The following AKAP19 variants were observed in gnomAD, a reference collection of about 807,000 sequenced individuals.
The protein encoded by AKAP19 is A-kinase anchoring protein 19.
At chr2:190,155,240 A>G in the AKAP19 span, among the ~76,000 whole-genome samples, 1 of 152,212 alleles carries the variant, frequency 6.6e-6, no homozygotes, top group Non-Finnish European at 1.5e-5. Flanking sequence ...CTAAGCTGAT[A>G]GAACCACAGC....
the AKAP19 span, among the ~76,000 whole-genome samples, chr2:190,012,473 A>G: frequency 1.3e-5 from 2 of 152,158 alleles, no homozygotes; most frequent in Non-Finnish European, 2.9e-5. Context: ...TTGATTTTAT[A>G]TCCTACAACT....
At chr2:189,933,408 C>T in the AKAP19 span, among the ~76,000 whole-genome samples, 1 of 152,086 alleles carries the variant, frequency 6.6e-6, no homozygotes, top group Non-Finnish European at 1.5e-5. Context: ...AGGAAGGGCC[C>T]ACCTTCCCAT....
the AKAP19 span, among the ~76,000 whole-genome samples, chr2:190,039,069 C>CTTCTTCCTT: frequency 7.4e-6 from 1 of 134,872 alleles, no homozygotes; most frequent in Non-Finnish European, 1.6e-5. Flanking sequence ...TCTTCTTCCT[C>CTTCTTCCTT]TTCTTTTTTT....
the AKAP19 span, among the ~76,000 whole-genome samples, chr2:190,019,075 G>A: frequency 6.6e-6 from 1 of 152,212 alleles, no homozygotes; most frequent in African/African-American, 2.4e-5. Context: ...CCTAAGGCTA[G>A]GTGGAGTCAC....
the AKAP19 span, among the ~76,000 whole-genome samples, chr2:189,918,641 C>A: frequency 1.1e-4 from 16 of 152,236 alleles, no homozygotes; most frequent in Middle Eastern, 3.4e-3. Context: ...TATAACCCAA[C>A]AATTCACCTC....
At chr2:189,924,395 T>G in the AKAP19 span, among the ~76,000 whole-genome samples, 18 of 152,328 alleles carry the variant, frequency 1.2e-4, no homozygotes, top group Admixed American at 6.5e-4. Context: ...CTAGTCCCAT[T>G]TTCACTTCCT....
chr2:190,075,635 G>A, the AKAP19 span, among the ~76,000 whole-genome samples: 1 of 152,046 alleles, frequency 6.6e-6, no homozygotes, highest in African/African-American at 2.4e-5. Flanking sequence ...AGCTTTGTCT[G>A]ACATTAATAT....
the AKAP19 span, among the ~76,000 whole-genome samples, chr2:190,001,932 C>G: frequency 2.6e-5 from 4 of 152,230 alleles, no homozygotes; most frequent in African/African-American, 9.6e-5. Flanking sequence ...TGGCCCCCTT[C>G]CTCTGGCCAG....
the AKAP19 span, among the ~76,000 whole-genome samples, chr2:190,114,826 T>A: frequency 6.6e-6 from 1 of 152,138 alleles, no homozygotes; most frequent in East Asian, 1.9e-4. Flanking sequence ...TTCTAACCAG[T>A]GTTGCTATTC....
the AKAP19 span, among the ~76,000 whole-genome samples, chr2:190,021,330 C>T: frequency 6.6e-6 from 1 of 151,950 alleles, no homozygotes; most frequent in East Asian, 1.9e-4. Flanking sequence ...ATAATGATTC[C>T]TGTATTATTT....
chr2:190,061,844 A>T, the AKAP19 span, among the ~76,000 whole-genome samples: 5 of 151,958 alleles, frequency 3.3e-5, no homozygotes, highest in African/African-American at 4.8e-5. Context: ...TATTAGTGAA[A>T]AAAACTTATT....
chr2:190,096,339 A>G, the AKAP19 span, among the ~76,000 whole-genome samples: 2 of 152,212 alleles, frequency 1.3e-5, no homozygotes, highest in African/African-American at 4.8e-5. Context: ...AATGATTATT[A>G]TGTGTATAGC....
At chr2:189,948,727 A>G in the AKAP19 span, among the ~76,000 whole-genome samples, 1 of 152,188 alleles carries the variant, frequency 6.6e-6, no homozygotes. Context: ...ACATGTCAAC[A>G]TATATATAGC....
At chr2:189,955,557 G>T in the AKAP19 span, among the ~76,000 whole-genome samples, 4 of 152,232 alleles carry the variant, frequency 2.6e-5, no homozygotes, top group South Asian at 4.2e-4. Flanking sequence ...TTCCATAGAG[G>T]TTGTACTAAT....
chr2:190,107,607 G>A, the AKAP19 span, among the ~76,000 whole-genome samples: 1 of 152,180 alleles, frequency 6.6e-6, no homozygotes, highest in African/African-American at 2.4e-5. Context: ...TCCTTCAGCA[G>A]CATGAGTACT....
At chr2:190,073,349 A>C in the AKAP19 span, among the ~76,000 whole-genome samples, 1 of 152,322 alleles carries the variant, frequency 6.6e-6, no homozygotes, top group South Asian at 2.1e-4. Context: ...GTATTTTTCA[A>C]AACAGTGTTT....
the AKAP19 span, chr2:190,181,155 C>CT: frequency 4.1e-6 from 4 of 985,438 alleles, no homozygotes; most frequent in African/African-American, 7.0e-5. Flanking sequence ...GGGCGGGTGT[C>CT]TGTCGGTCTT....
the AKAP19 span, among the ~76,000 whole-genome samples, chr2:190,148,305 C>T: frequency 6.6e-6 from 1 of 152,134 alleles, no homozygotes; most frequent in Non-Finnish European, 1.5e-5. Context: ...TGGTGAATGA[C>T]ACTTATTGAT....
At chr2:189,968,393 A>G in the AKAP19 span, among the ~76,000 whole-genome samples, 1 of 152,050 alleles carries the variant, frequency 6.6e-6, no homozygotes, top group African/African-American at 2.4e-5. Flanking sequence ...AAGTACGACT[A>G]TGCCTGGCTA....
Sources: allele counts gnomAD v4.1 joint callset (sites outside exome capture counted in the v4.1 genomes callset), GRCh38; gene constraint gnomAD v4.1.1; transcripts MANE v1.5; gene names NCBI Gene and HGNC (gene_info 2026-07-23, HGNC 2026-07-21).